MGMT: variants seen among roughly 807,000 people sequenced by gnomAD.
MGMT encodes the protein O-6-methylguanine-DNA methyltransferase, also known as methylated-DNA--protein-cysteine methyltransferase.
MGMT carries 14 observed loss-of-function variants against 15.9 expected under a neutral mutation model. The observed-to-expected ratio is 0.88, with a 90% CI of 0.58 to 1.37. The LOEUF (loss-of-function observed/expected upper bound fraction) is 1.37. Among genes scored for constraint, MGMT ranks in the 40% most tolerant of loss-of-function variants. The pLI is 0.00. For missense variants in MGMT, 282 were observed against 268.1 expected (o/e 1.05, Z -0.36); for synonymous variants, 130 against 118.2 (o/e 1.10, Z -0.65).
At chr10:129,671,730 TA>T (rs1847725948) in intron 2 of MGMT, among the ~76,000 whole-genome samples, 1 of 152,200 alleles carries the variant, frequency 6.6e-6, no homozygotes, top group Non-Finnish European at 1.5e-5. Context: ...TGGTTAAAAG[TA>T]TCATCTCATT....
intron 2 of MGMT, among the ~76,000 whole-genome samples, chr10:129,705,844 C>T (rs758608713): frequency 2.6e-5 from 4 of 151,864 alleles, no homozygotes; most frequent in Non-Finnish European, 5.9e-5. Context: ...AGGAGACAGG[C>T]CCTCATTCAT....
At chr10:129,713,958 G>A (rs369825481) in intron 3 of MGMT, among the ~76,000 whole-genome samples, 4 of 152,176 alleles carry the variant, frequency 2.6e-5, no homozygotes, top group Admixed American at 6.5e-5. Context: ...GTGGGCTCCC[G>A]TCACCCGTCC....
At chr10:129,614,489 T>TGGCCCTGACACG (rs1377089494) in intron 2 of MGMT, among the ~76,000 whole-genome samples, 1 of 148,934 alleles carries the variant, frequency 6.7e-6, no homozygotes, top group African/African-American at 2.5e-5. Flanking sequence ...AGTGTGTTCC[T>TGGCCCTGACACG]GGCCCTGACA....
intron 2 of MGMT, among the ~76,000 whole-genome samples, chr10:129,555,183 T>C (rs530934647): frequency 6.7e-4 from 102 of 152,262 alleles, no homozygotes; most frequent in African/African-American, 2.1e-3. Context: ...TGCCCACATA[T>C]TTCATAGGCC....
intron 2 of MGMT, among the ~76,000 whole-genome samples, chr10:129,647,770 G>A (rs999773381): frequency 2.0e-5 from 3 of 152,182 alleles, no homozygotes; most frequent in Admixed American, 6.5e-5. Context: ...TGACAATCAC[G>A]TCTTATGGTT....
At chr10:129,598,819 C>T (rs925241771) in intron 2 of MGMT, among the ~76,000 whole-genome samples, 6 of 152,168 alleles carry the variant, frequency 3.9e-5, no homozygotes, top group Non-Finnish European at 7.3e-5. Context: ...ACACTCCATG[C>T]GGATGGCGTC....
intron 3 of MGMT, among the ~76,000 whole-genome samples, chr10:129,708,831 G>A (rs2133143483): frequency 6.6e-6 from 1 of 152,258 alleles, no homozygotes; most frequent in Admixed American, 6.5e-5. Flanking sequence ...GATTTTAGAT[G>A]TGGTGAATTT....
chr10:129,704,036 G>A (rs1416443858), intron 2 of MGMT, among the ~76,000 whole-genome samples: 1 of 152,116 alleles, frequency 6.6e-6, no homozygotes, highest in African/African-American at 2.4e-5. Context: ...CCTCTGTTCG[G>A]CCGCCTTCCC....
intron 1 of MGMT, among the ~76,000 whole-genome samples, chr10:129,490,458 A>G (rs367617795): frequency 9.9e-5 from 15 of 151,844 alleles, no homozygotes; most frequent in South Asian, 2.1e-4. Context: ...ACTTTGGCCA[A>G]ACTAGTGGTT....
At chr10:129,643,070 A>G (rs1459907920) in intron 2 of MGMT, among the ~76,000 whole-genome samples, 2 of 152,188 alleles carry the variant, frequency 1.3e-5, no homozygotes, top group African/African-American at 4.8e-5. Flanking sequence ...TTACGGATGG[A>G]AAAGGGAGTT....
At chr10:129,717,362 G>C (rs984648449) in intron 3 of MGMT, among the ~76,000 whole-genome samples, 1 of 152,224 alleles carries the variant, frequency 6.6e-6, no homozygotes, top group Non-Finnish European at 1.5e-5. Context: ...GAAGTAGGCT[G>C]TGGTAAATAG....
intron 2 of MGMT, among the ~76,000 whole-genome samples, chr10:129,691,835 G>A (rs1197948139): frequency 6.6e-6 from 1 of 152,188 alleles, no homozygotes; most frequent in African/African-American, 2.4e-5. Context: ...CCCTCTCCTG[G>A]TTGAAAGTGT....
chr10:129,743,152 C>G (rs1157640761), intron 3 of MGMT, among the ~76,000 whole-genome samples: 2 of 152,148 alleles, frequency 1.3e-5, no homozygotes, highest in Non-Finnish European at 2.9e-5. Flanking sequence ...ATCTGGAATA[C>G]CCGCTTTATC....
chr10:129,641,018 A>G (rs934136057), intron 2 of MGMT, among the ~76,000 whole-genome samples: 1 of 152,256 alleles, frequency 6.6e-6, no homozygotes, highest in African/African-American at 2.4e-5. Context: ...TATTCAGTGG[A>G]AGGTCCTAGC....
intron 1 of MGMT, among the ~76,000 whole-genome samples, chr10:129,471,991 G>A (rs1316271965): frequency 6.6e-6 from 1 of 152,218 alleles, no homozygotes; most frequent in Admixed American, 6.5e-5. Flanking sequence ...ATGACAAGAT[G>A]CAGATGTTAC....
intron 1 of MGMT, among the ~76,000 whole-genome samples, chr10:129,495,533 G>A (rs1210018869): frequency 3.3e-5 from 5 of 152,122 alleles, no homozygotes; most frequent in South Asian, 2.1e-4. Context: ...ACTGATGATC[G>A]ATGGACTGCT....
rs182718411 is a variant in MGMT at position 129,768,245 on chromosome 10, G to A, written c.*1248G>A. 3.3e-5 allele frequency among the ~76,000 whole-genome samples: 5 copies of A among 152,306 alleles called. No individual in the cohort carries two copies. The highest frequency in any genetic ancestry group is 7.3e-5 in the Non-Finnish European group (5 of 68,046). Reference sequence around the variant, plus strand: ...CAACGAAAGAAAACCGATTTCAGACGTTTTTCGCTGATTTATGATTTATTA... The same window carrying A: ...CAACGAAAGAAAACCGATTTCAGACATTTTTCGCTGATTTATGATTTATTA... On this transcript the variant is annotated 3_prime_UTR_variant, in exon 5 of 5. Coordinates refer to ENST00000651593, the MANE Select transcript of MGMT (RefSeq NM_002412.5).
chr10:129,614,172 C>T (rs1846994162), intron 2 of MGMT, among the ~76,000 whole-genome samples: 1 of 152,192 alleles, frequency 6.6e-6, no homozygotes, highest in South Asian at 2.1e-4. Flanking sequence ...ATAAGTGGTA[C>T]AGCCATTGTC....
At chr10:129,491,822 C>A (rs1845471530) in intron 1 of MGMT, among the ~76,000 whole-genome samples, 1 of 151,994 alleles carries the variant, frequency 6.6e-6, no homozygotes, top group Admixed American at 6.5e-5. Flanking sequence ...ATTTAAAATT[C>A]TTCTCTTTCC....
Sources: allele counts gnomAD v4.1 joint callset (sites outside exome capture counted in the v4.1 genomes callset), GRCh38; gene constraint gnomAD v4.1.1; transcripts MANE v1.5; gene names NCBI Gene and HGNC (gene_info 2026-07-23, HGNC 2026-07-21).